AGPAT3: variants seen among roughly 807,000 people sequenced by gnomAD.
AGPAT3 encodes 1-acylglycerol-3-phosphate O-acyltransferase 3, also known as 1-acyl-sn-glycerol-3-phosphate acyltransferase gamma.
A neutral mutation model predicts 47.3 loss-of-function variants in AGPAT3; 5 were observed. The ratio of observed to expected loss-of-function variants is 0.11; its 90% CI spans 0.06 to 0.22. The LOEUF (loss-of-function observed/expected upper bound fraction) is 0.22, where lower values mean the gene tolerates loss of function less well. Ranked by LOEUF, AGPAT3 falls within the 10% of genes least tolerant of loss-of-function variation. AGPAT3 has a pLI of 1.00. For synonymous variants in AGPAT3, 212 were observed against 208.3 expected, an observed-to-expected ratio of 1.02 and a Z score of -0.15; for missense variants, 315 against 493.0, an observed-to-expected ratio of 0.64 and a Z score of 3.42.
intron 1 of AGPAT3, among the ~76,000 whole-genome samples, chr21:43,894,874 C>A (rs1391338177): frequency 1.3e-5 from 2 of 152,156 alleles, no homozygotes; most frequent in African/African-American, 4.8e-5. Context: ...CTCTGTTCCC[C>A]TTTCTTTCCT....
In AGPAT3 at chr21:43,939,086, C is replaced by G. The variant is rs1042602478; in HGVS notation, c.-48-20548C>G. Among the ~76,000 whole-genome samples, 5 of 152,294 alleles carry G rather than the reference C, an allele frequency of 3.3e-5. No individual in the cohort carries two copies. The highest frequency in any genetic ancestry group is 1.2e-4 in the African/African-American group (5 of 41,572). On this transcript the variant is annotated intron_variant, in intron 2 of 9. Transcript: ENST00000291572. This position sits in a 1 kb window ranked among gnomAD's most constrained non-coding sequence, Gnocchi z 4.4. ...GGGCTGGGACGGGGCTGCGACCAGGCTAGGGGAGCATCCTGGGCAAACCCT... is the reference window on the plus strand; with the variant it reads ...GGGCTGGGACGGGGCTGCGACCAGGGTAGGGGAGCATCCTGGGCAAACCCT...
chr21:43,870,726 AAT>A (rs906695819), intron 1 of AGPAT3, among the ~76,000 whole-genome samples: 1 of 152,222 alleles, frequency 6.6e-6, no homozygotes, highest in African/African-American at 2.4e-5. Flanking sequence ...CATCTCAATA[AAT>A]AAACAAATAA....
rs968048488 is a variant in AGPAT3 at position 43,922,741 on chromosome 21, C to T, written c.-49+18722C>T. 5.3e-5 allele frequency among the ~76,000 whole-genome samples: 8 copies of T among 151,812 alleles called. No individual in the cohort carries two copies. The highest frequency in any genetic ancestry group is 1.9e-4 in the East Asian group (1 of 5,156). On this transcript the variant is annotated intron_variant, in intron 2 of 9. Coordinates refer to ENST00000291572, the MANE Select transcript of AGPAT3 (RefSeq NM_020132.5). This position sits in a 1 kb window ranked among gnomAD's most constrained non-coding sequence, Gnocchi z 4.9. ...GAGCCATGTGCCAGGCAGGGCACTCCGTCAGTGTAGGGTCTCCCAGCACAG... is the reference window on the plus strand; with the variant it reads ...GAGCCATGTGCCAGGCAGGGCACTCTGTCAGTGTAGGGTCTCCCAGCACAG...
At chr21:43,875,505 G>A (rs922500463) in intron 1 of AGPAT3, among the ~76,000 whole-genome samples, 1 of 152,170 alleles carries the variant, frequency 6.6e-6, no homozygotes, top group Non-Finnish European at 1.5e-5. Context: ...TCTCGTTCAT[G>A]TTTTTACCTT....
In AGPAT3 at chr21:43,955,205, A is replaced by AT. The variant is rs1208719723; in HGVS notation, c.-48-4428dup. 8.0e-7 allele frequency: 1 copy of AT among 1,246,632 alleles called. No homozygotes were observed. Among genetic ancestry groups the AT allele is most frequent in the African/African-American group, 1.5e-5 (1 of 64,650 alleles). The allele number at this position is 1,246,632 out of a possible 1,614,324, so 77.2% of individuals were successfully genotyped here. A position where few individuals can be genotyped will look rare whatever the true frequency, so the allele number is the denominator to read the frequency against. On this transcript the variant is annotated intron_variant, in intron 2 of 9. Transcript: ENST00000291572. The surrounding 1 kb of genome is among the most constrained non-coding windows in gnomAD (Gnocchi z 4.1). Reference sequence around the variant, plus strand: ...CACCGCGCTGGACCGGCTGGGCCAGATGCCATGGGATTCTGTGTTTGTGAA... The same window carrying AT: ...CACCGCGCTGGACCGGCTGGGCCAGATTGCCATGGGATTCTGTGTTTGTGAA...
intron 7 of AGPAT3, 124 bp from the exon 8 acceptor site, chr21:43,977,922 G>T: frequency 1.6e-6 from 1 of 630,602 alleles, no homozygotes; most frequent in Non-Finnish European, 2.7e-6. Context: ...AATTGAGAGT[G>T]AGATGTGACA....
In AGPAT3 at chr21:43,876,269, G is replaced by A. The variant is rs117602136; in HGVS notation, c.-112+10924G>A. On this transcript the variant is annotated intron_variant, in intron 1 of 9. Coordinates refer to ENST00000291572, the MANE Select transcript of AGPAT3 (RefSeq NM_020132.5). The stretch of plus-strand genomic sequence containing the variant: ...TAACTAATAATACCAAAGTAATACC[G>A]ATAATAATATTAACAAATACTAAAA... Among the ~76,000 whole-genome samples the A allele has an allele frequency of 2.3e-3, 349 of 152,002 alleles. 4 individuals are homozygous for A. In the East Asian group the frequency reaches 0.055, roughly 24 times the overall value.
In AGPAT3 at chr21:43,971,508, G is replaced by A. The variant is rs778626251; in HGVS notation, c.767+18G>A. 1.2e-6 allele frequency: 2 copies of A among 1,612,320 alleles called. No homozygotes were observed. The highest frequency in any genetic ancestry group is 2.7e-5 in the African/African-American group (2 of 74,924). ...TGCGTGAGGTGAGGCCAGACCCTGT[G>A]GCTCTCGCGCCGCCCCCCATACCTT... On this transcript the variant is annotated intron_variant, in intron 7 of 9. Transcript: ENST00000291572.
In AGPAT3 at chr21:43,982,426, C is replaced by T. The variant is rs199510919; in HGVS notation, c.*34C>T. On this transcript the variant is annotated 3_prime_UTR_variant, in exon 10 of 10. Coordinates refer to ENST00000291572, the MANE Select transcript of AGPAT3 (RefSeq NM_020132.5). The surrounding 1 kb of genome is among the most constrained non-coding windows in gnomAD (Gnocchi z 6.2). ...TGTGACTGAACACACGCGGCCCTGA[C>T]GGTGGTATCCAGTTAACTCAAAACC... The T allele has an allele frequency of 3.5e-5, 52 of 1,503,346 alleles. No homozygotes were observed. Among genetic ancestry groups the T allele is most frequent in the Middle Eastern group, 1.7e-4 (1 of 5,810 alleles). 93.1% of individuals were successfully genotyped at this position (1,503,346 alleles called of 1,614,324 possible).
chr21:43,927,182 G>A (rs760009291), intron 2 of AGPAT3, among the ~76,000 whole-genome samples: 16 of 151,850 alleles, frequency 1.1e-4, no homozygotes, highest in Non-Finnish European at 2.1e-4. Context: ...CATGTACCTC[G>A]TCTTGGTTTA....
chr21:43,984,441 CT>C lies in AGPAT3; in HGVS notation c.*2053del, dbSNP rs2030042608. On this transcript the variant is annotated 3_prime_UTR_variant, in exon 10 of 10. Coordinates refer to ENST00000291572, the MANE Select transcript of AGPAT3 (RefSeq NM_020132.5). ...TGACCTGGAAAATGCAAATTTAGATCTTTTATGATTTAATTATTATTGTTTC... is the reference window on the plus strand; with the variant it reads ...TGACCTGGAAAATGCAAATTTAGATCTTTATGATTTAATTATTATTGTTTC... 2 of 152,606 alleles carry C rather than the reference CT, an allele frequency of 1.3e-5. No individual in the cohort carries two copies. The highest frequency in any genetic ancestry group is 6.5e-5 in the Admixed American group (1 of 15,288). 9.5% of individuals were successfully genotyped at this position (152,606 alleles called of 1,614,324 possible).
chr21:43,918,157 G>T (rs1475323607), intron 2 of AGPAT3, among the ~76,000 whole-genome samples: 1 of 149,398 alleles, frequency 6.7e-6, no homozygotes, highest in Non-Finnish European at 1.5e-5. Flanking sequence ...TGTGGGTGTT[G>T]TGGGAGTTGT....
intron 2 of AGPAT3, among the ~76,000 whole-genome samples, chr21:43,931,469 A>G (rs1263489611): frequency 6.6e-6 from 1 of 152,184 alleles, no homozygotes; most frequent in Non-Finnish European, 1.5e-5. Flanking sequence ...TTAAGTTTTC[A>G]TGTCCAGGGA....
At chr21:43,951,049 C>T (rs1015909522) in intron 2 of AGPAT3, among the ~76,000 whole-genome samples, 3 of 152,250 alleles carry the variant, frequency 2.0e-5, no homozygotes, top group African/African-American at 4.8e-5. Context: ...TCTCCTCCAG[C>T]GTCTGCTGAC....
intron 1 of AGPAT3, among the ~76,000 whole-genome samples, chr21:43,894,493 A>G (rs979228243): frequency 2.6e-5 from 4 of 152,074 alleles, no homozygotes; most frequent in Non-Finnish European, 5.9e-5. Context: ...ATATATTCAC[A>G]TAATTTGTAA....
At chr21:43,895,815 G>A (rs1027312642) in intron 1 of AGPAT3, among the ~76,000 whole-genome samples, 2 of 152,132 alleles carry the variant, frequency 1.3e-5, no homozygotes, top group South Asian at 2.1e-4. Flanking sequence ...TGCCTAGGCC[G>A]GAGTGCAATG....
intron 1 of AGPAT3, among the ~76,000 whole-genome samples, chr21:43,897,719 C>T (rs2086258534): frequency 6.6e-6 from 1 of 151,964 alleles, no homozygotes; most frequent in Non-Finnish European, 1.5e-5. Context: ...CAGAGACGCT[C>T]CTCACTTCCT....
At chr21:43,969,342 C>A in intron 5 of AGPAT3, 63 bp downstream of exon 5, 1 of 1,586,796 alleles carries the variant, frequency 6.3e-7, no homozygotes. Context: ...ACTCCTGATG[C>A]ACGGCTGCCC....
intron 2 of AGPAT3, among the ~76,000 whole-genome samples, chr21:43,905,784 G>A (rs1461627907): frequency 1.3e-5 from 2 of 152,242 alleles, no homozygotes; most frequent in African/African-American, 2.4e-5. Context: ...TCTTCTGCCT[G>A]TCCTTTGGCT....
Sources: allele counts gnomAD v4.1 joint callset (sites outside exome capture counted in the v4.1 genomes callset), GRCh38; gene constraint gnomAD v4.1.1; non-coding constraint Gnocchi (gnomAD v3.1); transcripts MANE v1.5; gene names NCBI Gene and HGNC (gene_info 2026-07-23, HGNC 2026-07-21).